The following P2RY8 variants were observed in gnomAD, a reference collection of about 807,000 sequenced individuals.
P2RY8 encodes the protein P2Y receptor family member 8.
In P2RY8, 6 loss-of-function variants were observed where a neutral mutation model predicts 10.0. The ratio of observed to expected loss-of-function variants is 0.60; its 90% CI spans 0.33 to 1.19. P2RY8 has a LOEUF of 1.19. P2RY8 is among the 50% of genes most tolerant of loss of function. The probability of loss-of-function intolerance (pLI) is 0.04; values close to 1 mark genes in which losing one functional copy is unlikely to be tolerated. For synonymous variants in P2RY8, 276 were observed against 252.5 expected, an observed-to-expected ratio of 1.09 and a Z score of -0.88; for missense variants, 456 against 542.0, an observed-to-expected ratio of 0.84 and a Z score of 1.58.
rs767749943 is a variant in P2RY8 at position 1,464,874 on chromosome X, G to C, written c.*605C>G. 1 of 234,022 alleles carries C rather than the reference G, an allele frequency of 4.3e-6. No individual in the cohort carries two copies. Among genetic ancestry groups the C allele is most frequent in the East Asian group, 6.0e-5 (1 of 16,592 alleles). The allele number at this position is 234,022 out of a possible 1,614,324, so 14.5% of individuals were successfully genotyped here. On this transcript the variant is annotated 3_prime_UTR_variant, in exon 2 of 2. Transcript: ENST00000381297. ...CTCTGAAAGAAGAATTCCAACCACA[G>C]CAACCACAGTGCCCCTGAGTGAAAT...
chrX:1,504,934 C>T (rs2092216818), intron 1 of P2RY8, among the ~76,000 whole-genome samples: 4 of 152,022 alleles, frequency 2.6e-5, no homozygotes, highest in Admixed American at 2.6e-4. Flanking sequence ...AGATCGAGAC[C>T]ATCCTGGCTA....
At chrX:1,468,138 A>G (rs1237913569) in intron 1 of P2RY8, among the ~76,000 whole-genome samples, 1 of 151,690 alleles carries the variant, frequency 6.6e-6, no homozygotes, top group African/African-American at 2.4e-5. Flanking sequence ...GGGTTTGGCT[A>G]TGTTGCCCAG....
chrX:1,504,282 C>T (rs1383203084), intron 1 of P2RY8, among the ~76,000 whole-genome samples: 2 of 151,188 alleles, frequency 1.3e-5, no homozygotes, highest in Admixed American at 6.6e-5. Context: ...CGCCACTGCA[C>T]TCCAGCCTGG....
At chrX:1,472,079 CAG>C (rs1276240518) in intron 1 of P2RY8, among the ~76,000 whole-genome samples, 3 of 152,126 alleles carry the variant, frequency 2.0e-5, no homozygotes, top group Non-Finnish European at 4.4e-5. Context: ...GAAGACAAAA[CAG>C]ACGCTGGCTT....
rs761236692 is a variant in P2RY8, at chrX:1,466,204, C to T, written c.355G>A (p.Val119Met). ...SSILTMTCIS[V>M]ERFLGVLYPL... is the part of the protein sequence containing the mutation. Reference sequence around the variant, plus strand: ...TACAGGACCCCCAGGAAGCGCTCCACGCTGATACAGGTCATGGTGAGGATG... The same window carrying T: ...TACAGGACCCCCAGGAAGCGCTCCATGCTGATACAGGTCATGGTGAGGATG... Residue 119 changes from valine to methionine, a missense_variant, in exon 2 of 2, where the codon GTG becomes ATG. Val to Met is a conservative substitution (Grantham distance 21). Coordinates refer to ENST00000381297, the MANE Select transcript of P2RY8 (RefSeq NM_178129.5). The T allele has an allele frequency of 9.3e-6, 15 of 1,613,132 alleles. No individual in the cohort carries two copies. The South Asian group carries it at 1.5e-4, about 17-fold the overall frequency.
At position 1,494,534 on chromosome X, in the gene P2RY8, TA is replaced by T. The variant is rs111595541; in HGVS notation, c.-24-27953del. Among the ~76,000 whole-genome samples the T allele has an allele frequency of 7.4e-4, 110 of 148,982 alleles. 1 individual carries two copies. Among genetic ancestry groups the T allele is most frequent in the East Asian group, 2.3e-3 (12 of 5,122 alleles). On this transcript the variant is annotated intron_variant, in intron 1 of 1. Coordinates refer to ENST00000381297, the MANE Select transcript of P2RY8 (RefSeq NM_178129.5). ...AATGCGGTATTTTTCAATTAGGCTT[TA>T]AAAAAAAAAAATGAGTTTGGCCTCC...
chrX:1,503,907 A>G (rs1175861533), intron 1 of P2RY8, among the ~76,000 whole-genome samples: 2 of 152,068 alleles, frequency 1.3e-5, no homozygotes, highest in African/African-American at 2.4e-5. Flanking sequence ...AAAAACAAGA[A>G]AAACCAAACA....
At chrX:1,515,479 C>T (rs2092339528) in intron 1 of P2RY8, among the ~76,000 whole-genome samples, 1 of 151,432 alleles carries the variant, frequency 6.6e-6, no homozygotes, top group Non-Finnish European at 1.5e-5. Flanking sequence ...TCAAGCGATT[C>T]CCCTGCCTCA....
intron 1 of P2RY8, among the ~76,000 whole-genome samples, chrX:1,490,249 A>G (rs57637536): frequency 9.6e-5 from 10 of 103,714 alleles, no homozygotes; most frequent in African/African-American, 4.3e-4. Context: ...GATATTCCCC[A>G]CAAATGTGGG....
In P2RY8 at chrX:1,471,309, A is replaced by ATTTTTT. The variant is rs1159260456; in HGVS notation, c.-24-4733_-24-4728dup. 7.7e-4 allele frequency among the ~76,000 whole-genome samples: 77 copies of ATTTTTT among 100,048 alleles called. 1 individual carries two copies. The highest frequency in any genetic ancestry group is 2.7e-3 in the African/African-American group (70 of 26,034). The allele number at this position is 100,048 out of a possible 152,430, so 65.6% of individuals were successfully genotyped here. A position where few individuals can be genotyped will look rare whatever the true frequency, so the allele number is the denominator to read the frequency against. Reference sequence around the variant, plus strand: ...AGACGTGAGCCACCGCGCCCAGCCCATTTTTTTTTTTTTTTTTTTTTTGTA... The same window carrying ATTTTTT: ...AGACGTGAGCCACCGCGCCCAGCCCATTTTTTTTTTTTTTTTTTTTTTTTTTTTGTA... On this transcript the variant is annotated intron_variant, in intron 1 of 1. Transcript: ENST00000381297.
chrX:1,473,167 A>G (rs1269460342), intron 1 of P2RY8, among the ~76,000 whole-genome samples: 5 of 109,766 alleles, frequency 4.6e-5, no homozygotes, highest in East Asian at 3.5e-4. Context: ...ATAGATGAGT[A>G]GGTAGATGGA....
At chrX:1,509,283 A>G (rs1294061889) in intron 1 of P2RY8, among the ~76,000 whole-genome samples, 2 of 147,716 alleles carry the variant, frequency 1.4e-5, no homozygotes, top group African/African-American at 2.5e-5. Flanking sequence ...TCTATCCATC[A>G]TCTATGTATC....
At chrX:1,468,610 G>T (rs1221261575) in intron 1 of P2RY8, among the ~76,000 whole-genome samples, 4 of 152,034 alleles carry the variant, frequency 2.6e-5, no homozygotes, top group African/African-American at 7.2e-5. Context: ...CACAACGGTT[G>T]TTCTTGGCGG....
At chrX:1,475,894 A>G (rs1199577157) in intron 1 of P2RY8, among the ~76,000 whole-genome samples, 8 of 152,176 alleles carry the variant, frequency 5.3e-5, no homozygotes, top group Admixed American at 5.2e-4. Flanking sequence ...TGATTTGCCA[A>G]AGCCCAGGAG....
intron 1 of P2RY8, among the ~76,000 whole-genome samples, chrX:1,485,791 G>A (rs1166094882): frequency 6.7e-6 from 1 of 149,200 alleles, no homozygotes; most frequent in Non-Finnish European, 1.5e-5. Context: ...TGTATTATAT[G>A]TAACATATTG....
intron 1 of P2RY8, among the ~76,000 whole-genome samples, chrX:1,512,836 A>AATT (rs367543446): frequency 1.4e-3 from 211 of 150,686 alleles, no homozygotes; most frequent in African/African-American, 5.0e-3. Flanking sequence ...CACATGTGGA[A>AATT]ATTATTATTA....
At chrX:1,477,550 A>ATTG (rs111874570) in intron 1 of P2RY8, among the ~76,000 whole-genome samples, 9 of 151,374 alleles carry the variant, frequency 5.9e-5, no homozygotes, top group African/African-American at 2.2e-4. Flanking sequence ...GTGTTCATCA[A>ATTG]TCTATCAATT....
chrX:1,469,849 AGAT>A (rs1444694825), intron 1 of P2RY8, among the ~76,000 whole-genome samples: 1 of 152,034 alleles, frequency 6.6e-6, no homozygotes, highest in East Asian at 1.9e-4. Context: ...CAGTGAGCCG[AGAT>A]CGCACCACTG....
At position 1,510,990 on chromosome X, in the gene P2RY8, A is replaced by G. The variant is rs747763817; in HGVS notation, c.-25+25931T>C. Among the ~76,000 whole-genome samples the G allele has an allele frequency of 5.8e-4, 89 of 152,196 alleles. 1 individual carries two copies. Among genetic ancestry groups the G allele is most frequent in the African/African-American group, 2.1e-3 (88 of 41,544 alleles). ...TCAGGAGATTGAGACCATCCTGGCT[A>G]ACACAGTGAAACCCCGTCTCTACTA... On this transcript the variant is annotated intron_variant, in intron 1 of 1. Transcript: ENST00000381297.
Sources: allele counts gnomAD v4.1 joint callset (sites outside exome capture counted in the v4.1 genomes callset), GRCh38; gene constraint gnomAD v4.1.1; transcripts MANE v1.5; gene names NCBI Gene and HGNC (gene_info 2026-07-23, HGNC 2026-07-21).